Variants in ANKRD11 observed in about 807,000 individuals in gnomAD.
The protein encoded by ANKRD11 is ankyrin repeat domain-containing protein 11.
A neutral mutation model predicts 195.7 loss-of-function variants in ANKRD11; 17 were observed. The observed-to-expected ratio is 0.09, with a 90% confidence interval of 0.06 to 0.13. The LOEUF is 0.13. Among genes scored for constraint, ANKRD11 ranks in the 10% least tolerant of loss-of-function variants. ANKRD11 has a pLI of 1.00. For missense variants in ANKRD11, 3,735 were observed against 3,566.1 expected (o/e 1.05, Z -1.21); for synonymous variants, 1,953 against 1,528.1 (o/e 1.28, Z -6.49).
At chr16:89,355,003 C>G (rs1444117220) in intron 2 of ANKRD11, among the ~76,000 whole-genome samples, 1 of 152,212 alleles carries the variant, frequency 6.6e-6, no homozygotes, top group African/African-American at 2.4e-5. Flanking sequence ...TGCACAGATT[C>G]ACATGCTGAA....
At chr16:89,446,904 C>T (rs955341920) in intron 1 of ANKRD11, among the ~76,000 whole-genome samples, 2 of 152,106 alleles carry the variant, frequency 1.3e-5, no homozygotes, top group African/African-American at 2.4e-5. Context: ...GCCACACACC[C>T]TCTGTCCCTG....
At chr16:89,357,420 G>A (rs1324964789) in intron 2 of ANKRD11, among the ~76,000 whole-genome samples, 1 of 152,088 alleles carries the variant, frequency 6.6e-6, no homozygotes, top group African/African-American at 2.4e-5. Flanking sequence ...ATTGCTGGTG[G>A]GAACATATAA....
At chr16:89,471,173 G>GGTTTT (rs2057071631) in intron 1 of ANKRD11, among the ~76,000 whole-genome samples, 1 of 151,854 alleles carries the variant, frequency 6.6e-6, no homozygotes, top group South Asian at 2.1e-4. Context: ...ACAGCAGAGT[G>GGTTTT]AGACCCCACC....
Position 89,282,597 on chromosome 16 carries a change from C to T in ANKRD11, c.3945G>A (p.Pro1315=), listed in dbSNP as rs750257079. Reference sequence around the variant, plus strand: ...AGACCTCCAGGAAGGCAGTCAGCCCCGGCTCCTGCCCTCGGTCCGTGAAGC... The same window carrying T: ...AGACCTCCAGGAAGGCAGTCAGCCCTGGCTCCTGCCCTCGGTCCGTGAAGC... The part of the protein sequence containing the change: ...SDSFTDRGQE[P]GLTAFLEVSF... The change falls in exon 9 of 13, where the codon CCG becomes CCA. Residue 1315 remains proline (P), a synonymous_variant. Transcript: ENST00000301030. 5.6e-6 allele frequency: 9 copies of T among 1,614,040 alleles called. No individual in the cohort carries two copies. Among genetic ancestry groups the T allele is most frequent in the Middle Eastern group, 1.6e-4 (1 of 6,082 alleles).
intron 2 of ANKRD11, among the ~76,000 whole-genome samples, chr16:89,346,142 G>C (rs189891188): frequency 6.6e-6 from 1 of 151,482 alleles, no homozygotes; most frequent in Admixed American, 6.6e-5. Context: ...CCAGCTACTC[G>C]GGAGGCTGAG....
intron 1 of ANKRD11, among the ~76,000 whole-genome samples, chr16:89,424,799 G>C (rs1220269853): frequency 6.6e-6 from 1 of 152,168 alleles, no homozygotes. Flanking sequence ...TTGCGATTAT[G>C]GAACTATTCA....
intron 2 of ANKRD11, among the ~76,000 whole-genome samples, chr16:89,380,349 T>C (rs1427988366): frequency 1.3e-5 from 2 of 152,160 alleles, no homozygotes; most frequent in Non-Finnish European, 2.9e-5. Context: ...TGACCTCAGG[T>C]GATCCACCCA....
chr16:89,312,354 G>C (rs1280648250), intron 3 of ANKRD11, among the ~76,000 whole-genome samples: 2 of 152,232 alleles, frequency 1.3e-5, no homozygotes, highest in Non-Finnish European at 2.9e-5. Flanking sequence ...GAGGAGATGA[G>C]GACAGTGTGT....
intron 1 of ANKRD11, among the ~76,000 whole-genome samples, chr16:89,465,483 C>A (rs1440021331): frequency 6.6e-6 from 1 of 152,186 alleles, no homozygotes; most frequent in Non-Finnish European, 1.5e-5. Context: ...GACAGTCCAT[C>A]GAGGCCTTTC....
chr16:89,313,573 G>T lies in ANKRD11; in HGVS notation c.87+3360C>A. 2.3e-6 allele frequency: 3 copies of T among 1,289,130 alleles called. No individual in the cohort carries two copies. In the South Asian group the frequency reaches 3.7e-5, roughly 16 times the overall value. The allele number at this position is 1,289,130 out of a possible 1,614,324, so 79.9% of individuals were successfully genotyped here. ...TCCACGTATATGTCACTGAGATCAC[G>T]ATTCTTTTGGAAAAATCTAAAAATA... On this transcript the variant is annotated intron_variant, in intron 3 of 12. Coordinates refer to ENST00000301030, the MANE Select transcript of ANKRD11 (RefSeq NM_013275.6).
At chr16:89,390,967 G>A (rs924951201) in intron 2 of ANKRD11, among the ~76,000 whole-genome samples, 3 of 152,124 alleles carry the variant, frequency 2.0e-5, no homozygotes, top group African/African-American at 7.2e-5. Context: ...CATGGCTCAC[G>A]CCTGTAATCA....
chr16:89,484,934 G>C lies in ANKRD11; in HGVS notation c.-145+5311C>G, dbSNP rs79124593. 5.5e-3 allele frequency among the ~76,000 whole-genome samples: 838 copies of C among 152,208 alleles called. 9 individuals carry two copies. Among genetic ancestry groups the C allele is most frequent in the African/African-American group, 0.019 (799 of 41,528 alleles). On this transcript the variant is annotated intron_variant, in intron 1 of 12. Transcript: ENST00000301030. ...TGCACAGATGCGAAGGACAGGCCTG[G>C]AAACAGGTCTCACCCTCCACCAGCC...
chr16:89,323,998 A>C, intron 2 of ANKRD11: 1 of 223,740 alleles, frequency 4.5e-6, no homozygotes, highest in Admixed American at 5.5e-5. Context: ...TTCAAACCAA[A>C]CCCCCAGTGT....
chr16:89,457,977 A>T (rs1470746074), intron 1 of ANKRD11, among the ~76,000 whole-genome samples: 1 of 152,102 alleles, frequency 6.6e-6, no homozygotes, highest in Non-Finnish European at 1.5e-5. Context: ...GCTCCCAAAG[A>T]AAGATGTTCT....
At chr16:89,296,291 C>T (rs1597505864) in intron 4 of ANKRD11, among the ~76,000 whole-genome samples, 1 of 151,956 alleles carries the variant, frequency 6.6e-6, no homozygotes, top group Non-Finnish European at 1.5e-5. Flanking sequence ...CTTGAAAAGC[C>T]CTCTGCTGCC....
At chr16:89,424,635 A>C (rs557501545) in intron 1 of ANKRD11, among the ~76,000 whole-genome samples, 2 of 152,124 alleles carry the variant, frequency 1.3e-5, no homozygotes, top group Non-Finnish European at 2.9e-5. Flanking sequence ...GGCCAATCGA[A>C]AAGGTTACAT....
At position 89,411,356 on chromosome 16, in the gene ANKRD11, G is replaced by A. The variant is rs549895368; in HGVS notation, c.-60+6928C>T. ...GGGAAACCTTGACTGCACCGGAAGA[G>A]GAGCAGGCTGCCCTGGCTGGGCCAG... On this transcript the variant is annotated intron_variant, in intron 2 of 12. Coordinates refer to ENST00000301030, the MANE Select transcript of ANKRD11 (RefSeq NM_013275.6). 5.3e-5 allele frequency among the ~76,000 whole-genome samples: 8 copies of A among 152,236 alleles called. No homozygotes were observed. In the South Asian group the frequency reaches 1.7e-3, roughly 32 times the overall value.
At chr16:89,293,271 C>T in intron 4 of ANKRD11, among the ~76,000 whole-genome samples, 1 of 152,188 alleles carries the variant, frequency 6.6e-6, no homozygotes. Flanking sequence ...AAGCTGCACA[C>T]AGCACAGGAG....
At chr16:89,482,685 G>C (rs1348932101) in intron 1 of ANKRD11, among the ~76,000 whole-genome samples, 1 of 152,210 alleles carries the variant, frequency 6.6e-6, no homozygotes, top group Non-Finnish European at 1.5e-5. Flanking sequence ...CAGCACTGCT[G>C]GGGGGCTGAG....
Sources: allele counts gnomAD v4.1 joint callset (sites outside exome capture counted in the v4.1 genomes callset), GRCh38; gene constraint gnomAD v4.1.1; transcripts MANE v1.5; gene names NCBI Gene and HGNC (gene_info 2026-07-23, HGNC 2026-07-21).